The following SRSF11 variants were observed in gnomAD, a reference collection of about 807,000 sequenced individuals.
SRSF11 encodes serine/arginine-rich splicing factor 11.
Under a neutral mutation model 56.0 loss-of-function variants are expected in SRSF11, and 9 were observed. That is an observed-to-expected ratio of 0.16 (90% CI 0.10 to 0.28). SRSF11 has a LOEUF of 0.28. SRSF11 is among the 10% of genes least tolerant of loss of function. The pLI is 1.00. For missense variants in SRSF11, 421 were observed against 600.7 expected, an observed-to-expected ratio of 0.70 and a Z score of 3.13; for synonymous variants, 222 against 215.3, an observed-to-expected ratio of 1.03 and a Z score of -0.27.
At position 70,250,513 on chromosome 1, in the gene SRSF11, CA is replaced by C. The variant is rs751894666; in HGVS notation, c.1257+13del. The C allele has an allele frequency of 1.9e-6, 3 of 1,606,260 alleles. No homozygotes were observed. On this transcript the variant is annotated intron_variant, in intron 11 of 11. Transcript: ENST00000370949. Reference sequence around the variant, plus strand: ...TGATAAAGATGTAAAAGTATGTTTACAAATTGATTTATTTTTATATTTGGGG... The same window carrying C: ...TGATAAAGATGTAAAAGTATGTTTACAATTGATTTATTTTTATATTTGGGG...
intron 1 of SRSF11, among the ~76,000 whole-genome samples, chr1:70,215,109 G>A (rs1182570921): frequency 2.0e-5 from 3 of 151,900 alleles, no homozygotes; most frequent in Non-Finnish European, 4.4e-5. Flanking sequence ...TTTTGGCCAC[G>A]CTAGTCTTGA....
At chr1:70,235,969 C>T (rs1252841420) in intron 5 of SRSF11, among the ~76,000 whole-genome samples, 2 of 152,158 alleles carry the variant, frequency 1.3e-5, no homozygotes, top group African/African-American at 2.4e-5. Flanking sequence ...TTCATGCTGT[C>T]ACAGAAATTG....
chr1:70,245,669 C>A (rs1017346731), intron 8 of SRSF11, among the ~76,000 whole-genome samples: 1 of 152,082 alleles, frequency 6.6e-6, no homozygotes, highest in Non-Finnish European at 1.5e-5. Context: ...TGACTAGACT[C>A]AACGGGAGGC....
rs750376809 is a variant in SRSF11 at position 70,237,478 on chromosome 1, C to G, written c.644C>G (p.Ser215Cys). Residue 215 changes from serine (S) to cysteine (C), a missense_variant, in exon 6 of 12, where the codon TCT (serine) becomes TGT (cysteine). Physicochemically the swap from Ser to Cys is moderately radical, Grantham distance 112. Around this residue, in one of 2 missense-constraint regions of SRSF11, gnomAD observed 168 missense variants for 294.9 expected, o/e 0.57. Coordinates refer to ENST00000370949, the MANE Select transcript of SRSF11 (RefSeq NM_001350605.2). ...TCACCAAGTCTGAAATCGGATACCT[C>G]TAGTAAAGAAATAGAGGAAGCTATG... ...LVSPSLKSDT[S>C]SKEIEEAMKR... 5.6e-6 allele frequency: 9 copies of G among 1,613,960 alleles called. No homozygotes were observed. The highest frequency in any genetic ancestry group is 6.8e-6 in the Non-Finnish European group (8 of 1,179,990).
intron 4 of SRSF11, 75 bp from the exon 5 acceptor site, chr1:70,235,426 C>G: frequency 8.1e-7 from 1 of 1,235,788 alleles, no homozygotes; most frequent in Non-Finnish European, 1.2e-6. Context: ...TTCTGTTGTT[C>G]AGTTTTCTGC....
chr1:70,215,040 G>A (rs1231858623), intron 1 of SRSF11, among the ~76,000 whole-genome samples: 2 of 151,806 alleles, frequency 1.3e-5, no homozygotes, highest in African/African-American at 4.8e-5. Context: ...TGAGACTACA[G>A]TTGCACGCCA....
chr1:70,237,661 T>C, intron 6 of SRSF11, 109 bp downstream of exon 6: 1 of 1,455,614 alleles, frequency 6.9e-7, no homozygotes, highest in Non-Finnish European at 9.3e-7. Flanking sequence ...TGTTGTAAAC[T>C]CTGATAAAAG....
intron 1 of SRSF11, among the ~76,000 whole-genome samples, chr1:70,207,829 A>G (rs758064458): frequency 1.8e-4 from 27 of 151,710 alleles, no homozygotes; most frequent in Non-Finnish European, 3.7e-4. Flanking sequence ...GGGCTCAAAC[A>G]GTCCTCCCAC....
intron 4 of SRSF11, 38 bp downstream of exon 4, chr1:70,234,826 A>C: frequency 6.7e-7 from 1 of 1,500,084 alleles, no homozygotes; most frequent in Non-Finnish European, 9.1e-7. Context: ...ACCCATTTTT[A>C]CAGAAGATCT....
chr1:70,239,218 A>G (rs1214483710), intron 6 of SRSF11, among the ~76,000 whole-genome samples: 1 of 152,034 alleles, frequency 6.6e-6, no homozygotes, highest in Admixed American at 6.6e-5. Flanking sequence ...AGCCTCCCCA[A>G]GTACCTGGGA....
upstream of SRSF11, among the ~76,000 whole-genome samples, chr1:70,217,781 C>G (rs1460086265): frequency 6.6e-6 from 1 of 152,148 alleles, no homozygotes; most frequent in East Asian, 1.9e-4. Context: ...ATCTGTCATT[C>G]GTCTTCAGGT....
At chr1:70,241,918 C>T (rs1675499917) in intron 7 of SRSF11, among the ~76,000 whole-genome samples, 1 of 151,974 alleles carries the variant, frequency 6.6e-6, no homozygotes, top group South Asian at 2.1e-4. Flanking sequence ...GCCTGTAGTC[C>T]CAGCACTTGG....
intron 3 of SRSF11, among the ~76,000 whole-genome samples, chr1:70,234,076 G>A (rs1673420349): frequency 6.6e-6 from 1 of 152,148 alleles, no homozygotes; most frequent in Non-Finnish European, 1.5e-5. Flanking sequence ...GTGCCCTGGG[G>A]AGCTGCATAA....
At chr1:70,231,647 C>G (rs1042242498) in intron 2 of SRSF11, 1 of 1,179,244 alleles carries the variant, frequency 8.5e-7, no homozygotes, top group African/African-American at 1.6e-5. Flanking sequence ...ATTCAGAGAC[C>G]TTCAGAAACA....
chr1:70,212,247 AT>A (rs1001620882), intron 1 of SRSF11, among the ~76,000 whole-genome samples: 14 of 152,032 alleles, frequency 9.2e-5, no homozygotes, highest in African/African-American at 3.1e-4. Context: ...TAATTAATTA[AT>A]TAATTAATAC....
At chr1:70,236,608 G>A (rs1302039780) in intron 5 of SRSF11, among the ~76,000 whole-genome samples, 1 of 151,536 alleles carries the variant, frequency 6.6e-6, no homozygotes, top group Non-Finnish European at 1.5e-5. Context: ...GGGCTTACAG[G>A]CATGAGCCAC....
At chr1:70,221,200 A>G (rs1558151340), upstream of SRSF11, among the ~76,000 whole-genome samples, 1 of 148,570 alleles carries the variant, frequency 6.7e-6, no homozygotes, top group Non-Finnish European at 1.5e-5. Flanking sequence ...CGCTCTTCCA[A>G]AAAAAAAAGA....
chr1:70,214,696 TGTCA>T (rs1669850879), intron 1 of SRSF11, among the ~76,000 whole-genome samples: 1 of 152,150 alleles, frequency 6.6e-6, no homozygotes, highest in African/African-American at 2.4e-5. Flanking sequence ...TTCTTTTGTC[TGTCA>T]GTCAGTCCCC....
upstream of SRSF11, among the ~76,000 whole-genome samples, chr1:70,220,625 G>A (rs1558150285): frequency 6.6e-6 from 1 of 152,210 alleles, no homozygotes; most frequent in African/African-American, 2.4e-5. Flanking sequence ...CAAGGCGGGT[G>A]GATCACCAGA....
Sources: allele counts gnomAD v4.1 joint callset (sites outside exome capture counted in the v4.1 genomes callset), GRCh38; gene constraint gnomAD v4.1.1; regional missense constraint gnomAD v4.1.1; transcripts MANE v1.5; gene names NCBI Gene and HGNC (gene_info 2026-07-23, HGNC 2026-07-21).